The following EXPH5 variants were observed in gnomAD, a reference collection of about 807,000 sequenced individuals.
EXPH5 encodes the protein exophilin-5.
A neutral mutation model predicts 41.1 loss-of-function variants in EXPH5; 42 were observed. The observed-to-expected ratio is 1.02, with a 90% CI of 0.80 to 1.32. The LOEUF is 1.32. Among genes scored for constraint, EXPH5 ranks in the 40% most tolerant of loss-of-function variants. The pLI is 0.00. For missense variants in EXPH5, 2,298 were observed against 2,314.5 expected, an observed-to-expected ratio of 0.99 and a Z score of 0.15; for synonymous variants, 798 against 833.5, an observed-to-expected ratio of 0.96 and a Z score of 0.73.
chr11:108,516,067 G>C (rs1197745795), intron 5 of EXPH5, among the ~76,000 whole-genome samples: 3 of 110,682 alleles, frequency 2.7e-5, no homozygotes, highest in Non-Finnish European at 5.2e-5. Flanking sequence ...GCGAGACTCC[G>C]TCTCAAAAAA....
intron 1 of EXPH5, among the ~76,000 whole-genome samples, chr11:108,562,685 G>A (rs1373254480): frequency 2.6e-5 from 4 of 152,126 alleles, no homozygotes; most frequent in African/African-American, 7.2e-5. Flanking sequence ...TGAAGGGGCC[G>A]GGCATGGTGG....
intron 1 of EXPH5, among the ~76,000 whole-genome samples, chr11:108,587,603 C>A (rs565514193): frequency 5.0e-4 from 76 of 152,196 alleles, no homozygotes; most frequent in African/African-American, 1.8e-3. Flanking sequence ...AACATTTAGA[C>A]ATTTTTAAAA....
chr11:108,593,721 A>G lies in EXPH5; in HGVS notation c.-185T>C. On this transcript the variant is annotated 5_prime_UTR_variant, in exon 1 of 6. Coordinates refer to ENST00000265843, the MANE Select transcript of EXPH5 (RefSeq NM_015065.3). ...CACCTGAAGGGCTCATATTGACAATACCTTAATGACATGTTTCTCTCAACC... is the reference window on the plus strand; with the variant it reads ...CACCTGAAGGGCTCATATTGACAATGCCTTAATGACATGTTTCTCTCAACC... The G allele has an allele frequency of 1.3e-6, 2 of 1,538,612 alleles. No homozygotes were observed. Among genetic ancestry groups the G allele is most frequent in the African/African-American group, 2.7e-5 (2 of 73,152 alleles).
At chr11:108,565,063 G>A (rs528734888) in intron 1 of EXPH5, among the ~76,000 whole-genome samples, 12 of 151,766 alleles carry the variant, frequency 7.9e-5, no homozygotes, top group African/African-American at 2.4e-4. Context: ...CCACCACCAC[G>A]CCTGGCTAAT....
intron 3 of EXPH5, chr11:108,537,937 A>C (rs1040459125): frequency 1.0e-6 from 1 of 981,806 alleles, no homozygotes; most frequent in South Asian, 4.7e-5. Flanking sequence ...GTGTCTCAAA[A>C]ATTTTTACAG....
Position 108,512,569 on chromosome 11 carries a change from T to C in EXPH5, c.2938A>G (p.Ile980Val), listed in dbSNP as rs2093690064. The change falls in exon 6 of 6, where the codon ATA becomes GTA. Residue 980 changes from isoleucine (I) to valine (V), a missense_variant. Ile to Val is a conservative substitution (Grantham distance 29, BLOSUM62 3). Transcript: ENST00000265843. ...ERGKGKIRHHISCIEKLSKTE... is the reference protein window; with the variant it reads ...ERGKGKIRHHVSCIEKLSKTE... The stretch of plus-strand genomic sequence containing the variant: ...TTGCTTAACTTTTCAATACAGGATA[T>C]ATGATGCCTTATTTTTCCTTTTCCT... The C allele has an allele frequency of 6.2e-7, 1 of 1,612,690 alleles. No homozygotes were observed. Among genetic ancestry groups the C allele is most frequent in the Non-Finnish European group, 8.5e-7 (1 of 1,179,710 alleles).
At chr11:108,517,051 TAG>T (rs2093731335) in intron 5 of EXPH5, among the ~76,000 whole-genome samples, 1 of 152,204 alleles carries the variant, frequency 6.6e-6, no homozygotes, top group African/African-American at 2.4e-5. Flanking sequence ...AGAATGTATT[TAG>T]AACAGAAAAT....
intron 1 of EXPH5, among the ~76,000 whole-genome samples, chr11:108,575,872 G>A (rs1207283728): frequency 1.3e-5 from 2 of 152,152 alleles, no homozygotes; most frequent in Non-Finnish European, 2.9e-5. Flanking sequence ...TACTCGGGTG[G>A]TTGAGACAGG....
chr11:108,539,560 T>C (rs2093900976), intron 2 of EXPH5, among the ~76,000 whole-genome samples: 1 of 152,182 alleles, frequency 6.6e-6, no homozygotes, highest in Non-Finnish European at 1.5e-5. Flanking sequence ...TGGTGATAGA[T>C]ACATACTACA....
intron 1 of EXPH5, among the ~76,000 whole-genome samples, chr11:108,546,810 T>C (rs1325702183): frequency 2.3e-5 from 3 of 131,034 alleles, no homozygotes; most frequent in African/African-American, 8.7e-5. Flanking sequence ...AATATCATTG[T>C]GCATTTTCTA....
In EXPH5 at chr11:108,593,526, A is replaced by G. The variant is rs114557356; in HGVS notation, c.11T>C (p.Val4Ala). Residue 4 changes from valine (V) to alanine (A), a missense_variant, in exon 1 of 6, where the codon GTT (valine) becomes GCT (alanine). Transcript: ENST00000265843. The stretch of plus-strand genomic sequence containing the variant: ...GAAACTGAAATCAAACGCCGGAGGA[A>G]CTTTCGTCATTTTCTTTACTGTGTG... MTK[V>A]PPAFDFSFLN... The G allele has an allele frequency of 1.9e-5, 30 of 1,614,132 alleles. No homozygotes were observed. The highest frequency in any genetic ancestry group is 2.3e-5 in the Non-Finnish European group (27 of 1,179,998).
At chr11:108,574,740 G>T (rs1266919785) in intron 1 of EXPH5, among the ~76,000 whole-genome samples, 1 of 152,134 alleles carries the variant, frequency 6.6e-6, no homozygotes, top group Non-Finnish European at 1.5e-5. Flanking sequence ...ATATGACATG[G>T]TTCTGGTCAA....
upstream of EXPH5, among the ~76,000 whole-genome samples, chr11:108,593,962 G>A (rs1249437355): frequency 6.6e-6 from 1 of 152,088 alleles, no homozygotes; most frequent in Admixed American, 6.5e-5. Context: ...GTGAGGCAAG[G>A]CTAAGTGTTG....
the EXPH5 span, among the ~76,000 whole-genome samples, chr11:108,601,695 C>A: frequency 2.0e-5 from 3 of 151,460 alleles, no homozygotes; most frequent in Admixed American, 2.0e-4. Flanking sequence ...TTTCTTTTCT[C>A]TCCCTCCCTC....
Position 108,512,051 on chromosome 11 carries a change from T to C in EXPH5, c.3456A>G (p.Leu1152=). Residue 1152 remains leucine (L), a synonymous_variant, in exon 6 of 6, where the codon CTA becomes CTG. Transcript: ENST00000265843. ...TGATTCTCTCCCAAGCCCTTGGTGT[T>C]AGCTCAGAAGCATCCATGCCTGAGG... The part of the protein sequence containing the change: ...PLTSGMDASE[L]TPRAWERIIS... 1 of 1,602,670 alleles carries C rather than the reference T, an allele frequency of 6.2e-7. No individual in the cohort carries two copies.
intron 1 of EXPH5, among the ~76,000 whole-genome samples, chr11:108,549,842 C>T (rs1241733957): frequency 2.0e-5 from 3 of 150,166 alleles, no homozygotes; most frequent in African/African-American, 7.4e-5. Context: ...AATTCCTCCA[C>T]AATTCCCATC....
rs534132725 is a variant in EXPH5, at chr11:108,577,671, C to T, written c.119+15747G>A. Among the ~76,000 whole-genome samples, 62 of 152,302 alleles carry T rather than the reference C, an allele frequency of 4.1e-4. 1 individual carries two copies. The highest frequency in any genetic ancestry group is 3.8e-3 in the Admixed American group (58 of 15,290). On this transcript the variant is annotated intron_variant, in intron 1 of 5. Coordinates refer to ENST00000265843, the MANE Select transcript of EXPH5 (RefSeq NM_015065.3). ...CTCCTGACCTCAGGTAATCTGCCCG[C>T]CTCGGCCTCCCAAAGTGCTGGGATT...
At chr11:108,560,503 C>A (rs562414858) in intron 1 of EXPH5, among the ~76,000 whole-genome samples, 13 of 152,314 alleles carry the variant, frequency 8.5e-5, no homozygotes, top group African/African-American at 1.7e-4. Flanking sequence ...AATCACACGC[C>A]AAAGGGCTTT....
chr11:108,514,712 T>G lies in EXPH5; in HGVS notation c.795A>C (p.Glu265Asp), dbSNP rs1350825932. Residue 265 changes from glutamate (E) to aspartate (D), a missense_variant, in exon 6 of 6, where the codon GAA (glutamate) becomes GAC (aspartate). Transcript: ENST00000265843. ...ITERHKKHYNETSNMSIYDIL... is the reference protein window; with the variant it reads ...ITERHKKHYNDTSNMSIYDIL... Reference sequence around the variant, plus strand: ...TGTCATAGATAGACATATTGGAAGTTTCATTATAGTGTTTTTTGTGCCTTT... The same window carrying G: ...TGTCATAGATAGACATATTGGAAGTGTCATTATAGTGTTTTTTGTGCCTTT... 1 of 1,607,736 alleles carries G rather than the reference T, an allele frequency of 6.2e-7. No homozygotes were observed. Among genetic ancestry groups the G allele is most frequent in the South Asian group, 1.1e-5 (1 of 89,382 alleles).
Sources: allele counts gnomAD v4.1 joint callset (sites outside exome capture counted in the v4.1 genomes callset), GRCh38; gene constraint gnomAD v4.1.1; transcripts MANE v1.5; gene names NCBI Gene and HGNC (gene_info 2026-07-23, HGNC 2026-07-21).